Variants in ATG7 observed in about 807,000 individuals in gnomAD.
ATG7 encodes ubiquitin-like modifier-activating enzyme ATG7.
A neutral mutation model predicts 82.4 loss-of-function variants in ATG7; 70 were observed. That is an observed-to-expected ratio of 0.85 (90% CI 0.70 to 1.04). The LOEUF (loss-of-function observed/expected upper bound fraction) is 1.04. Among genes scored for constraint, ATG7 ranks in the 50% least tolerant of loss-of-function variants. The pLI, the probability that ATG7 is intolerant of heterozygous loss-of-function variation, is 0.00. For synonymous variants in ATG7, 287 were observed against 313.0 expected, an observed-to-expected ratio of 0.92 and a Z score of 0.88; for missense variants, 792 against 864.3, an observed-to-expected ratio of 0.92 and a Z score of 1.05.
intron 20 of ATG7, among the ~76,000 whole-genome samples, chr3:11,500,121 C>G (rs1015177164): frequency 6.6e-6 from 1 of 152,088 alleles, no homozygotes; most frequent in Non-Finnish European, 1.5e-5. Flanking sequence ...TTTTAATTCC[C>G]TTCCAGGGCT....
rs966532821 is a variant in ATG7, at chr3:11,555,971, T to C, written c.*1128T>C. On this transcript the variant is annotated 3_prime_UTR_variant, in exon 21 of 21. Coordinates refer to ENST00000693202, the MANE Select transcript of ATG7 (RefSeq NM_001349232.2). ...CCAGTCCAAGTTCCAGTGGCTGTCG[T>C]TCAGCTCATGGGAGCTTCATGGGGA... is the stretch of plus-strand genomic sequence containing the variant. 1 of 152,604 alleles carries C rather than the reference T, an allele frequency of 6.6e-6. No homozygotes were observed. Among genetic ancestry groups the C allele is most frequent in the African/African-American group, 2.4e-5 (1 of 41,414 alleles). 9.5% of individuals were successfully genotyped at this position (152,604 alleles called of 1,614,324 possible).
intron 11 of ATG7, among the ~76,000 whole-genome samples, chr3:11,337,593 CATT>C (rs886206226): frequency 2.0e-5 from 3 of 151,344 alleles, no homozygotes; most frequent in Non-Finnish European, 4.4e-5. Context: ...TTATTTTTTT[CATT>C]ATTAAGTTTA....
At chr3:11,387,845 C>T (rs762240034) in intron 19 of ATG7, among the ~76,000 whole-genome samples, 2 of 152,198 alleles carry the variant, frequency 1.3e-5, no homozygotes, top group Non-Finnish European at 2.9e-5. Context: ...TGGCAGGTAC[C>T]TGTAGTCCCA....
chr3:11,574,785 ATGTGTGTGTGTGTGTGTGTG>A, the ATG7 span, among the ~76,000 whole-genome samples: 478 of 121,778 alleles, frequency 3.9e-3, 4 homozygotes, highest in Non-Finnish European at 5.0e-3. Flanking sequence ...TCAACTATAT[ATGTGTGTGTGTGTGTGTGTG>A]TGTGTGTGTG....
At chr3:11,328,002 G>C (rs116741430) in intron 9 of ATG7, among the ~76,000 whole-genome samples, 1,840 of 152,316 alleles carry the variant, frequency 0.012, 23 homozygotes, top group South Asian at 0.021. Context: ...GATAATGACA[G>C]TTCAGAGATG....
chr3:11,476,686 C>G, intron 20 of ATG7, among the ~76,000 whole-genome samples: 1 of 152,040 alleles, frequency 6.6e-6, no homozygotes, highest in Admixed American at 6.6e-5. Flanking sequence ...TTTATTTTAG[C>G]CGAGTATTCT....
intron 20 of ATG7, among the ~76,000 whole-genome samples, chr3:11,437,289 T>C (rs2083452862): frequency 6.6e-6 from 1 of 152,216 alleles, no homozygotes; most frequent in African/African-American, 2.4e-5. Context: ...TTCAAAGCCT[T>C]AGTCTCTGTG....
intron 20 of ATG7, chr3:11,510,117 G>A (rs761592136): frequency 5.6e-5 from 22 of 392,326 alleles, no homozygotes; most frequent in Non-Finnish European, 1.1e-4. Context: ...GGTGTCTGCA[G>A]AAATTAGAAG....
chr3:11,375,273 G>C (rs2077329795), intron 18 of ATG7, among the ~76,000 whole-genome samples: 1 of 152,050 alleles, frequency 6.6e-6, no homozygotes, highest in Non-Finnish European at 1.5e-5. Context: ...TATTTGATAA[G>C]AAACCTTTAT....
chr3:11,369,432 C>T (rs1229176770), intron 18 of ATG7, among the ~76,000 whole-genome samples: 1 of 151,036 alleles, frequency 6.6e-6, no homozygotes, highest in African/African-American at 2.4e-5. Flanking sequence ...CTCCAGCCAT[C>T]CCCTCAACAG....
intron 20 of ATG7, among the ~76,000 whole-genome samples, chr3:11,468,848 A>G (rs1015619294): frequency 6.6e-6 from 1 of 152,144 alleles, no homozygotes; most frequent in East Asian, 1.9e-4. Flanking sequence ...TCTAAAATAG[A>G]TTTGGAACCA....
At chr3:11,327,532 A>G (rs955275773) in intron 9 of ATG7, among the ~76,000 whole-genome samples, 2 of 152,210 alleles carry the variant, frequency 1.3e-5, no homozygotes, top group Non-Finnish European at 2.9e-5. Context: ...TCAAGCTTCT[A>G]GGCAATTCTG....
At position 11,543,090 on chromosome 3, in the gene ATG7, C is replaced by T. The variant is rs564242442; in HGVS notation, c.2080-11721C>T. Among the ~76,000 whole-genome samples the T allele has an allele frequency of 5.3e-5, 8 of 152,230 alleles. No homozygotes were observed. In the East Asian group the frequency reaches 5.8e-4, roughly 11 times the overall value. ...CAGTTAGATGGCGGCGTCCTCCAAC[C>T]GACCCCACGGTGCAGGAGCAGCCCC... is the stretch of plus-strand genomic sequence containing the variant. On this transcript the variant is annotated intron_variant, in intron 20 of 20. Coordinates refer to ENST00000693202, the MANE Select transcript of ATG7 (RefSeq NM_001349232.2).
intron 13 of ATG7, among the ~76,000 whole-genome samples, chr3:11,345,754 C>A (rs1376746772): frequency 6.6e-6 from 1 of 151,840 alleles, no homozygotes; most frequent in African/African-American, 2.4e-5. Flanking sequence ...TCGTAAATAT[C>A]TACTTTTATC....
chr3:11,436,253 CA>C (rs2083360743), intron 20 of ATG7, among the ~76,000 whole-genome samples: 1 of 152,090 alleles, frequency 6.6e-6, no homozygotes, highest in Non-Finnish European at 1.5e-5. Context: ...TGGGACAATA[CA>C]AATTGAAACT....
At chr3:11,565,371 G>A in the ATG7 span, among the ~76,000 whole-genome samples, 1 of 152,306 alleles carries the variant, frequency 6.6e-6, no homozygotes, top group South Asian at 2.1e-4. The surrounding 1 kb of genome is among the most constrained non-coding windows in gnomAD (Gnocchi z 4.1). Flanking sequence ...CCTGCCATTT[G>A]GACAGGACGG....
chr3:11,475,795 C>CTTAGGGTACATTGCAAAA, intron 20 of ATG7, among the ~76,000 whole-genome samples: 1 of 151,704 alleles, frequency 6.6e-6, no homozygotes, highest in Non-Finnish European at 1.5e-5. Context: ...CCCATTGATA[C>CTTAGGGTACATTGCAAAA]CCTGTACCCT....
chr3:11,472,545 T>C (rs1198810550), intron 20 of ATG7, among the ~76,000 whole-genome samples: 1 of 151,994 alleles, frequency 6.6e-6, no homozygotes, highest in African/African-American at 2.4e-5. Context: ...CAGGGAGAAA[T>C]TGGTGAAAAA....
intron 20 of ATG7, among the ~76,000 whole-genome samples, chr3:11,465,062 T>A (rs1478278844): frequency 6.7e-6 from 1 of 149,590 alleles, no homozygotes; most frequent in Non-Finnish European, 1.5e-5. Context: ...TTTTTTTTCT[T>A]ATCAAATCAA....
Sources: allele counts gnomAD v4.1 joint callset (sites outside exome capture counted in the v4.1 genomes callset), GRCh38; gene constraint gnomAD v4.1.1; non-coding constraint Gnocchi (gnomAD v3.1); transcripts MANE v1.5; gene names NCBI Gene and HGNC (gene_info 2026-07-23, HGNC 2026-07-21).